LRRC4C: variants seen among roughly 807,000 people sequenced by gnomAD.
The protein encoded by LRRC4C is leucine-rich repeat-containing protein 4C.
A neutral mutation model predicts 33.6 loss-of-function variants in LRRC4C; 5 were observed. The ratio of observed to expected loss-of-function variants is 0.15; its 90% confidence interval spans 0.08 to 0.31. The LOEUF (loss-of-function observed/expected upper bound fraction) is 0.31, where lower values mean the gene tolerates loss of function less well. Ranked by LOEUF, LRRC4C falls within the 10% of genes least tolerant of loss-of-function variation. LRRC4C has a pLI of 1.00. For synonymous variants in LRRC4C, 329 were observed against 302.0 expected (o/e 1.09, Z -0.93); for missense variants, 560 against 796.7 (o/e 0.70, Z 3.58).
chr11:40,932,495 G>A (rs1227633619), intron 2 of LRRC4C, among the ~76,000 whole-genome samples: 1 of 152,074 alleles, frequency 6.6e-6, no homozygotes, highest in Non-Finnish European at 1.5e-5. Context: ...CAGGATTAGA[G>A]AAACATGTTT....
At chr11:40,772,716 A>T (rs1390507750) in intron 2 of LRRC4C, among the ~76,000 whole-genome samples, 1 of 152,180 alleles carries the variant, frequency 6.6e-6, no homozygotes, top group Admixed American at 6.5e-5. Context: ...ACTGACAAAG[A>T]TGTAGAGAAA....
chr11:41,082,473 T>G (rs1057207770), intron 1 of LRRC4C, among the ~76,000 whole-genome samples: 4 of 148,738 alleles, frequency 2.7e-5, no homozygotes, highest in Non-Finnish European at 5.9e-5. Context: ...ATCTTAGAGT[T>G]CCTCTTATTG....
At chr11:41,249,184 G>A (rs530567885) in intron 1 of LRRC4C, among the ~76,000 whole-genome samples, 1 of 152,022 alleles carries the variant, frequency 6.6e-6, no homozygotes, top group Admixed American at 6.5e-5. Context: ...ACAGGCACCT[G>A]CCACCACGCC....
intron 1 of LRRC4C, among the ~76,000 whole-genome samples, chr11:41,288,227 C>T (rs1043033989): frequency 6.6e-6 from 1 of 152,140 alleles, no homozygotes; most frequent in Admixed American, 6.6e-5. Context: ...GAAAAAGAGC[C>T]ACTTAGGCTT....
At chr11:40,249,506 T>C (rs1866608506) in intron 4 of LRRC4C, among the ~76,000 whole-genome samples, 1 of 151,194 alleles carries the variant, frequency 6.6e-6, no homozygotes, top group South Asian at 2.1e-4. Context: ...ATCAAAAATA[T>C]TTGGATATCA....
chr11:41,317,895 T>C (rs950876290), intron 1 of LRRC4C, among the ~76,000 whole-genome samples: 13 of 152,096 alleles, frequency 8.5e-5, no homozygotes, highest in Admixed American at 7.2e-4. Context: ...AACAAATAAT[T>C]AAATATGTAA....
At chr11:40,749,267 G>T (rs76935913) in intron 2 of LRRC4C, among the ~76,000 whole-genome samples, 3 of 151,958 alleles carry the variant, frequency 2.0e-5, no homozygotes, top group Non-Finnish European at 4.4e-5. Flanking sequence ...ATCATATCAA[G>T]TGTCTTTTCA....
At chr11:41,165,086 C>A (rs1388058812) in intron 1 of LRRC4C, among the ~76,000 whole-genome samples, 1 of 152,168 alleles carries the variant, frequency 6.6e-6, no homozygotes, top group Non-Finnish European at 1.5e-5. Context: ...CACATTCTCA[C>A]CACCTGTTTC....
chr11:40,708,644 A>G (rs185123256), intron 2 of LRRC4C, among the ~76,000 whole-genome samples: 1 of 152,160 alleles, frequency 6.6e-6, no homozygotes, highest in African/African-American at 2.4e-5. Flanking sequence ...TATGTGGTCA[A>G]TTTTGGAACA....
At chr11:40,751,051 A>G (rs1310757193) in intron 2 of LRRC4C, among the ~76,000 whole-genome samples, 1 of 151,740 alleles carries the variant, frequency 6.6e-6, no homozygotes, top group African/African-American at 2.4e-5. Flanking sequence ...GAAAAACACA[A>G]TTGACAAATT....
In LRRC4C at chr11:41,344,165, C is replaced by G. The variant is rs191940411; in HGVS notation, c.-496+115266G>C. Among the ~76,000 whole-genome samples, 7 of 151,816 alleles carry G rather than the reference C, an allele frequency of 4.6e-5. No individual in the cohort carries two copies. The East Asian group carries it at 1.4e-3, about 29-fold the overall frequency. Reference sequence around the variant, plus strand: ...ACATCCCCATTCCCCATGTCTTCCGCTTCCAGAGCCCAGTGATTTTCCCAA... The same window carrying G: ...ACATCCCCATTCCCCATGTCTTCCGGTTCCAGAGCCCAGTGATTTTCCCAA... On this transcript the variant is annotated intron_variant, in intron 1 of 6. Coordinates refer to ENST00000528697, the MANE Select transcript of LRRC4C (RefSeq NM_001258419.2).
chr11:41,108,269 T>C (rs182295780), intron 1 of LRRC4C, among the ~76,000 whole-genome samples: 2 of 152,186 alleles, frequency 1.3e-5, no homozygotes, highest in Admixed American at 1.3e-4. Flanking sequence ...ACACGCCCAT[T>C]TTCACTTGTC....
intron 2 of LRRC4C, among the ~76,000 whole-genome samples, chr11:40,762,897 T>C (rs1165283403): frequency 6.6e-6 from 1 of 152,002 alleles, no homozygotes; most frequent in East Asian, 1.9e-4. Flanking sequence ...TTAGAGATGA[T>C]ATGATGCTTG....
At chr11:40,418,184 G>A (rs1237817982) in intron 3 of LRRC4C, among the ~76,000 whole-genome samples, 1 of 151,850 alleles carries the variant, frequency 6.6e-6, no homozygotes, top group African/African-American at 2.4e-5. Context: ...CAGAGTGGAA[G>A]AAAATTTTTG....
At chr11:40,615,191 A>G (rs1034378525) in intron 3 of LRRC4C, among the ~76,000 whole-genome samples, 5 of 147,924 alleles carry the variant, frequency 3.4e-5, no homozygotes, top group Non-Finnish European at 7.4e-5. Flanking sequence ...TAGACCCTAT[A>G]GTTCTGTTAA....
At chr11:40,681,054 T>A (rs1944659281) in intron 2 of LRRC4C, among the ~76,000 whole-genome samples, 1 of 152,242 alleles carries the variant, frequency 6.6e-6, no homozygotes, top group South Asian at 2.1e-4. Flanking sequence ...TGAAAAATTG[T>A]TTACATTTTT....
intron 2 of LRRC4C, among the ~76,000 whole-genome samples, chr11:40,739,081 A>G (rs1050323084): frequency 2.6e-5 from 4 of 150,958 alleles, no homozygotes; most frequent in Admixed American, 6.6e-5. Flanking sequence ...CTACCTTCTT[A>G]GCAAATTTCA....
At chr11:40,412,676 G>T (rs1409382599) in intron 3 of LRRC4C, among the ~76,000 whole-genome samples, 1 of 151,706 alleles carries the variant, frequency 6.6e-6, no homozygotes, top group East Asian at 1.9e-4. Flanking sequence ...ATTTTTTTCT[G>T]AAGCACAGTT....
intron 5 of LRRC4C, among the ~76,000 whole-genome samples, chr11:40,185,118 G>C (rs1430599069): frequency 6.6e-6 from 1 of 152,202 alleles, no homozygotes; most frequent in East Asian, 1.9e-4. Flanking sequence ...ACTTTTAGGA[G>C]GGGCAGAGTG....
Sources: allele counts gnomAD v4.1 joint callset (sites outside exome capture counted in the v4.1 genomes callset), GRCh38; gene constraint gnomAD v4.1.1; transcripts MANE v1.5; gene names NCBI Gene and HGNC (gene_info 2026-07-23, HGNC 2026-07-21).